NBEA: variants seen among roughly 807,000 people sequenced by gnomAD.
NBEA encodes lysosomal-trafficking regulator 2.
NBEA carries 44 observed loss-of-function variants against 343.4 expected under a neutral mutation model. That is an observed-to-expected ratio of 0.13 (90% CI 0.10 to 0.16). The LOEUF (loss-of-function observed/expected upper bound fraction) is 0.16, where lower values mean the gene tolerates loss of function less well. Among genes scored for constraint, NBEA ranks in the 10% least tolerant of loss-of-function variants. The probability of loss-of-function intolerance (pLI) is 1.00; values close to 1 mark genes in which losing one functional copy is unlikely to be tolerated. For missense variants in NBEA, 2,555 were observed against 3,631.3 expected, an observed-to-expected ratio of 0.70 and a Z score of 7.62; for synonymous variants, 1,175 against 1,238.7, an observed-to-expected ratio of 0.95 and a Z score of 1.08.
intron 34 of NBEA, among the ~76,000 whole-genome samples, chr13:35,250,252 A>T (rs1052911034): frequency 6.6e-6 from 1 of 152,192 alleles, no homozygotes. Context: ...GTTTACCCAT[A>T]GACTGGAAAG....
chr13:35,063,107 T>C (rs2063522587), intron 8 of NBEA, among the ~76,000 whole-genome samples: 2 of 151,968 alleles, frequency 1.3e-5, no homozygotes, highest in South Asian at 4.1e-4. Flanking sequence ...AAAGCTCAGT[T>C]GAAAGGAAAA....
intron 27 of NBEA, among the ~76,000 whole-genome samples, chr13:35,175,303 A>G (rs905827647): frequency 6.6e-6 from 1 of 152,200 alleles, no homozygotes; most frequent in Admixed American, 6.6e-5. Context: ...AAAAGTGATA[A>G]TAGACTGACA....
chr13:35,211,114 T>G lies in NBEA; in HGVS notation c.5583T>G (p.Thr1861=). The part of the protein sequence containing the change: ...SSSSSFVNGA[T]SKNLPAVQTV... ...CTTCTAGTTTTGTGAATGGTGCTAC[T>G]AGCAAAAACCTTCCAGCTGTACAAA... Residue 1861 remains threonine (T), a synonymous_variant, in exon 33 of 59, where the codon ACT becomes ACG. Coordinates refer to ENST00000379939, the MANE Select transcript of NBEA (RefSeq NM_001385012.1). The G allele has an allele frequency of 6.4e-7, 1 of 1,552,402 alleles. No homozygotes were observed. The highest frequency in any genetic ancestry group is 8.7e-7 in the Non-Finnish European group (1 of 1,147,072).
intron 34 of NBEA, among the ~76,000 whole-genome samples, chr13:35,246,471 G>A (rs181190688): frequency 6.4e-4 from 98 of 152,232 alleles, no homozygotes; most frequent in African/African-American, 2.2e-3. Context: ...TTTGTTCCAC[G>A]CGGTGCTCCC....
At chr13:35,123,642 A>C in intron 17 of NBEA, 68 bp downstream of exon 17, 1 of 969,214 alleles carries the variant, frequency 1.0e-6, no homozygotes. Flanking sequence ...TGAGTTTTCT[A>C]TGTAATGTAG....
chr13:35,467,949 A>G (rs1436421562), intron 40 of NBEA, among the ~76,000 whole-genome samples: 2 of 152,182 alleles, frequency 1.3e-5, no homozygotes, highest in African/African-American at 2.4e-5. Flanking sequence ...TAACAATTCC[A>G]ATTTTAATTA....
At chr13:35,137,241 G>A (rs1025570091) in intron 17 of NBEA, among the ~76,000 whole-genome samples, 3 of 152,126 alleles carry the variant, frequency 2.0e-5, no homozygotes, top group Non-Finnish European at 2.9e-5. Flanking sequence ...CCTTGGTCAG[G>A]AGATCGAGAC....
chr13:35,454,314 A>G (rs983460674), intron 40 of NBEA, among the ~76,000 whole-genome samples: 3 of 152,180 alleles, frequency 2.0e-5, no homozygotes, highest in Non-Finnish European at 4.4e-5. Flanking sequence ...CATAAAATTC[A>G]TTTTTAGAAC....
Position 35,671,531 on chromosome 13 carries a change from A to G in NBEA, c.*540A>G, listed in dbSNP as rs1439590731. On this transcript the variant is annotated 3_prime_UTR_variant, in exon 59 of 59. Coordinates refer to ENST00000379939, the MANE Select transcript of NBEA (RefSeq NM_001385012.1). Reference sequence around the variant, plus strand: ...TGGAGTTACAACTTGCATGTTCCTTACTCCTGTTGGCTTGATGGAACAGGT... The same window carrying G: ...TGGAGTTACAACTTGCATGTTCCTTGCTCCTGTTGGCTTGATGGAACAGGT... The G allele has an allele frequency of 6.5e-6, 1 of 153,158 alleles. No homozygotes were observed. Among genetic ancestry groups the G allele is most frequent in the Non-Finnish European group, 1.5e-5 (1 of 68,460 alleles). 9.5% of individuals were successfully genotyped at this position (153,158 alleles called of 1,614,324 possible).
At chr13:35,188,069 C>T (rs2071856096) in intron 30 of NBEA, among the ~76,000 whole-genome samples, 1 of 151,752 alleles carries the variant, frequency 6.6e-6, no homozygotes, top group Non-Finnish European at 1.5e-5. Flanking sequence ...TGTTTTATTT[C>T]CTTTCTTCTA....
At chr13:35,569,750 G>C (rs1593248515) in intron 45 of NBEA, among the ~76,000 whole-genome samples, 1 of 152,262 alleles carries the variant, frequency 6.6e-6, no homozygotes, top group East Asian at 1.9e-4. Context: ...TTACAAGATA[G>C]GTATAGTAGG....
intron 41 of NBEA, among the ~76,000 whole-genome samples, chr13:35,519,064 G>A (rs1470513148): frequency 6.6e-6 from 1 of 152,142 alleles, no homozygotes; most frequent in Non-Finnish European, 1.5e-5. Context: ...ATTCTACTTA[G>A]CCTTTCAAGC....
At chr13:35,546,235 T>C (rs2079051723) in intron 41 of NBEA, among the ~76,000 whole-genome samples, 1 of 152,126 alleles carries the variant, frequency 6.6e-6, no homozygotes, top group Non-Finnish European at 1.5e-5. Context: ...ATAGGCTGTG[T>C]GTTGGGATCA....
chr13:35,014,248 C>T (rs981052876), intron 1 of NBEA, among the ~76,000 whole-genome samples: 18 of 152,220 alleles, frequency 1.2e-4, no homozygotes, highest in African/African-American at 4.1e-4. Flanking sequence ...AAGTTTTGAA[C>T]AAGTGAATCT....
intron 10 of NBEA, among the ~76,000 whole-genome samples, chr13:35,089,008 T>A (rs2064923818): frequency 8.1e-6 from 1 of 123,870 alleles, no homozygotes; most frequent in Admixed American, 8.8e-5. Flanking sequence ...GGCAAGGACT[T>A]CATGTCCAAA....
intron 10 of NBEA, among the ~76,000 whole-genome samples, chr13:35,071,534 G>A (rs2063871509): frequency 6.6e-6 from 1 of 151,906 alleles, no homozygotes; most frequent in South Asian, 2.1e-4. Flanking sequence ...ATTTAAAAAT[G>A]AATTGTAGTA....
chr13:35,052,405 G>T (rs537141179), intron 6 of NBEA, among the ~76,000 whole-genome samples: 56 of 151,938 alleles, frequency 3.7e-4, no homozygotes, highest in Non-Finnish European at 6.8e-4. Context: ...AGACATATTA[G>T]CTACTATTGA....
chr13:35,495,610 T>C (rs1024415728), intron 41 of NBEA, among the ~76,000 whole-genome samples: 3 of 151,956 alleles, frequency 2.0e-5, no homozygotes, highest in African/African-American at 7.2e-5. Context: ...CAAACCATCA[T>C]AAGTCAGGGC....
intron 41 of NBEA, among the ~76,000 whole-genome samples, chr13:35,550,083 G>A (rs1365333541): frequency 6.6e-6 from 1 of 152,108 alleles, no homozygotes; most frequent in Non-Finnish European, 1.5e-5. Context: ...TCCTTTGCCT[G>A]GGGTTGACCA....
Sources: allele counts gnomAD v4.1 joint callset (sites outside exome capture counted in the v4.1 genomes callset), GRCh38; gene constraint gnomAD v4.1.1; transcripts MANE v1.5; gene names NCBI Gene and HGNC (gene_info 2026-07-23, HGNC 2026-07-21).